ARMC9: variants seen among roughly 807,000 people sequenced by gnomAD.
ARMC9 encodes armadillo repeat containing 9.
In ARMC9, 94 loss-of-function variants were observed where a neutral mutation model predicts 107.0. The observed-to-expected ratio is 0.88, with a 90% CI of 0.74 to 1.04. ARMC9 has a LOEUF of 1.04. Among genes scored for constraint, ARMC9 ranks in the 50% least tolerant of loss-of-function variants. The pLI is 0.00. For missense variants in ARMC9, 942 were observed against 1,030.1 expected (o/e 0.91, Z 1.17); for synonymous variants, 380 against 396.9 (o/e 0.96, Z 0.51).
At chr2:231,313,848 G>A (rs921261127) in intron 19 of ARMC9, among the ~76,000 whole-genome samples, 1 of 151,466 alleles carries the variant, frequency 6.6e-6, no homozygotes, top group Non-Finnish European at 1.5e-5. Context: ...TCCACCTCCT[G>A]GGCTCAAGGG....
chr2:231,223,522 A>T (rs1467345532), intron 6 of ARMC9, among the ~76,000 whole-genome samples: 1 of 152,260 alleles, frequency 6.6e-6, no homozygotes, highest in Non-Finnish European at 1.5e-5. Flanking sequence ...ATAAAAATGT[A>T]TCCAAAGTTA....
At chr2:231,303,341 C>T (rs1447095840) in intron 19 of ARMC9, among the ~76,000 whole-genome samples, 2 of 152,160 alleles carry the variant, frequency 1.3e-5, no homozygotes, top group Admixed American at 1.3e-4. Flanking sequence ...TCTAGCTATC[C>T]TTTATTTTCT....
At chr2:231,332,637 G>A (rs2043818473) in intron 20 of ARMC9, among the ~76,000 whole-genome samples, 1 of 152,162 alleles carries the variant, frequency 6.6e-6, no homozygotes, top group Admixed American at 6.6e-5. Flanking sequence ...TGTGAGTCAG[G>A]AGGAAGCAGC....
chr2:231,239,996 G>A lies in ARMC9; in HGVS notation c.834G>A (p.Met278Ile), dbSNP rs1353110886. The change falls in exon 9 of 25, where the codon ATG becomes ATA. Residue 278 changes from methionine (M) to isoleucine (I), a missense_variant. Met to Ile is a conservative substitution (Grantham distance 10). Coordinates refer to ENST00000611582, the MANE Select transcript of ARMC9 (RefSeq NM_001352754.2). ...GTGTCCGCCTGTTCAGTAACCAGAT[G>A]CGGCAGAGCCTGGCGCATAGTGTGG... is the stretch of plus-strand genomic sequence containing the variant. The part of the protein sequence containing the change: ...SVCVRLFSNQ[M>I]RQSLAHSVDF... The A allele has an allele frequency of 6.2e-7, 1 of 1,613,844 alleles. No homozygotes were observed. Among genetic ancestry groups the A allele is most frequent in the Non-Finnish European group, 8.5e-7 (1 of 1,179,932 alleles).
At chr2:231,243,246 C>CAA (rs993079189) in intron 9 of ARMC9, among the ~76,000 whole-genome samples, 64 of 109,092 alleles carry the variant, frequency 5.9e-4, no homozygotes, top group African/African-American at 1.8e-3. Flanking sequence ...GACTCCGTCT[C>CAA]AAAAAAAAAA....
At chr2:231,241,198 C>CA (rs5839393) in intron 9 of ARMC9, among the ~76,000 whole-genome samples, 14,455 of 115,956 alleles carry the variant, frequency 0.12, 769 homozygotes, top group Middle Eastern at 0.19. Flanking sequence ...GACTTAGTCT[C>CA]AAAAAAAAAA....
At chr2:231,261,278 C>T (rs576692072) in intron 11 of ARMC9, among the ~76,000 whole-genome samples, 1 of 152,178 alleles carries the variant, frequency 6.6e-6, no homozygotes, top group South Asian at 2.1e-4. Context: ...CGCACATACC[C>T]GTTATACATG....
In ARMC9 at chr2:231,296,225, CTGA is replaced by C. The variant is rs1286078336; in HGVS notation, c.1755_1757del (p.Asp585del). The C allele has an allele frequency of 6.2e-7, 1 of 1,613,386 alleles. No individual in the cohort carries two copies. The highest frequency in any genetic ancestry group is 1.7e-5 in the Admixed American group (1 of 59,950). On this transcript the variant is annotated inframe_deletion, in exon 19 of 25. Coordinates refer to ENST00000611582, the MANE Select transcript of ARMC9 (RefSeq NM_001352754.2). The stretch of plus-strand genomic sequence containing the variant: ...GAGCTACCAGATGGTGTTCTTGAAT[CTGA>C]TGATGATGAAGATGAAGATGATGAA...
At chr2:231,274,552 C>T (rs566745478) in intron 14 of ARMC9, among the ~76,000 whole-genome samples, 7 of 152,276 alleles carry the variant, frequency 4.6e-5, no homozygotes, top group East Asian at 1.9e-4. Context: ...CGTGGATCGG[C>T]ATCTAGGAGA....
chr2:231,355,343 GA>G (rs1160974157), intron 21 of ARMC9, among the ~76,000 whole-genome samples: 2 of 152,104 alleles, frequency 1.3e-5, no homozygotes, highest in Admixed American at 6.6e-5. Flanking sequence ...CTGTCTCTAA[GA>G]AAAAAAGAAG....
intron 19 of ARMC9, among the ~76,000 whole-genome samples, chr2:231,329,728 A>G (rs1351929161): frequency 6.6e-6 from 1 of 152,134 alleles, no homozygotes; most frequent in Non-Finnish European, 1.5e-5. Context: ...TTTAATTTCA[A>G]TGTTCGTGTG....
Position 231,216,673 on chromosome 2 carries a change from C to T in ARMC9, c.384C>T (p.Phe128=), listed in dbSNP as rs2033537975. ...KEELDEKISY[F]KTYLETKGAA... ...AGCTGGATGAAAAGATTTCCTACTT[C>T]AAAACCTACCTGGAGACCAAAGGGG... Residue 128 remains phenylalanine, a synonymous_variant, in exon 5 of 25, where the codon TTC becomes TTT. Coordinates refer to ENST00000611582, the MANE Select transcript of ARMC9 (RefSeq NM_001352754.2). 6.2e-7 allele frequency: 1 copy of T among 1,613,886 alleles called. No homozygotes were observed. The highest frequency in any genetic ancestry group is 8.5e-7 in the Non-Finnish European group (1 of 1,179,866).
In ARMC9 at chr2:231,279,185, A is replaced by G. The variant is rs949990330; in HGVS notation, c.1551+727A>G. ...TGCCAAATTGTCCTCCAGAATGGCTATACTAGCGTTTGCTCTCACCAGTGT... is the reference window on the plus strand; with the variant it reads ...TGCCAAATTGTCCTCCAGAATGGCTGTACTAGCGTTTGCTCTCACCAGTGT... On this transcript the variant is annotated intron_variant, in intron 16 of 24. Coordinates refer to ENST00000611582, the MANE Select transcript of ARMC9 (RefSeq NM_001352754.2). 2.2e-4 allele frequency among the ~76,000 whole-genome samples: 34 copies of G among 152,224 alleles called. 2 individuals are homozygous for G. Among genetic ancestry groups the G allele is most frequent in the Non-Finnish European group, 7.3e-5 (5 of 68,036 alleles).
chr2:231,220,796 G>A (rs557982658), intron 5 of ARMC9, among the ~76,000 whole-genome samples: 25 of 152,142 alleles, frequency 1.6e-4, no homozygotes, highest in Admixed American at 1.6e-3. Flanking sequence ...CTTTATTTCA[G>A]TCTCATCCCT....
chr2:231,278,322 C>T, intron 15 of ARMC9, 60 bp from the exon 16 acceptor site: 1 of 1,545,442 alleles, frequency 6.5e-7, no homozygotes, highest in South Asian at 1.1e-5. Context: ...GTCTACCTGA[C>T]CTAAAATTGT....
chr2:231,269,523 T>C (rs769585693), intron 12 of ARMC9, among the ~76,000 whole-genome samples: 12 of 150,896 alleles, frequency 8.0e-5, no homozygotes, highest in Non-Finnish European at 1.6e-4. Flanking sequence ...GTAGCTGGGA[T>C]TACAGGTGTG....
chr2:231,364,044 T>C (rs1452960617), intron 23 of ARMC9, among the ~76,000 whole-genome samples: 2 of 152,238 alleles, frequency 1.3e-5, no homozygotes, highest in East Asian at 3.8e-4. Context: ...AAGATGTATT[T>C]ATTAAGAAAC....
chr2:231,315,499 A>G (rs913400462), intron 19 of ARMC9, among the ~76,000 whole-genome samples: 7 of 152,190 alleles, frequency 4.6e-5, no homozygotes, highest in African/African-American at 1.7e-4. Flanking sequence ...AGATTGTGCC[A>G]CTGCACTCCA....
At position 231,256,313 on chromosome 2, in the gene ARMC9, T is replaced by C. The variant is rs527709449; in HGVS notation, c.880-273T>C. ...AGCCCGGAGGTTGCGCTGAGCTTGC[T>C]TGCTCGCTGGGTCTTGGATGTCGGG... On this transcript the variant is annotated intron_variant, in intron 9 of 24. Transcript: ENST00000611582. The C allele has an allele frequency of 2.2e-3, 3,417 of 1,551,532 alleles. 92 individuals are homozygous for C. The African/African-American group carries it at 0.043, about 20-fold the overall frequency.
Sources: gnomAD v4.1 joint callset for allele counts (sites outside exome capture counted in the v4.1 genomes callset) on GRCh38, gnomAD v4.1.1 for gene constraint, MANE v1.5 for transcripts, NCBI Gene and HGNC (gene_info 2026-07-23, HGNC 2026-07-21) for gene names.